The following SLC26A8 variants were observed in gnomAD, a reference collection of about 807,000 sequenced individuals.
SLC26A8 encodes the protein testis anion transporter 1.
A neutral mutation model predicts 105.0 loss-of-function variants in SLC26A8; 70 were observed. The observed-to-expected ratio is 0.67, with a 90% CI of 0.55 to 0.81. The LOEUF is 0.81. SLC26A8 is among the 40% of genes least tolerant of loss of function. The pLI is 0.00. For synonymous variants in SLC26A8, 415 were observed against 438.3 expected (o/e 0.95, Z 0.66); for missense variants, 998 against 1,181.8 (o/e 0.84, Z 2.28).
chr6:36,000,280 ATTCCTAGCTTCTC>A (rs1761483679), intron 3 of SLC26A8, among the ~76,000 whole-genome samples, 172 bp from the exon 4 acceptor site: 1 of 152,186 alleles, frequency 6.6e-6, no homozygotes, highest in Non-Finnish European at 1.5e-5. Context: ...ATCTTCTTTG[ATTCCTAGCTTCTC>A]TTCCTATTTT....
rs1365169624 is a variant in SLC26A8 at position 35,943,636 on chromosome 6, G to A, written c.*264C>T. The A allele has an allele frequency of 2.3e-6, 1 of 440,690 alleles. No individual in the cohort carries two copies. The highest frequency in any genetic ancestry group is 4.1e-6 in the Non-Finnish European group (1 of 244,934). The allele number at this position is 440,690 out of a possible 1,614,324, so 27.3% of individuals were successfully genotyped here. On this transcript the variant is annotated 3_prime_UTR_variant, in exon 20 of 20. Coordinates refer to ENST00000490799, the MANE Select transcript of SLC26A8 (RefSeq NM_052961.4). The stretch of plus-strand genomic sequence containing the variant: ...CAGAGATGTGGGGTGTGTGAAGAAG[G>A]AAATTCATGACTAGAATATATGCTG...
Position 35,943,618 on chromosome 6 carries a change from G to A in SLC26A8, c.*282C>T. On this transcript the variant is annotated 3_prime_UTR_variant, in exon 20 of 20. Transcript: ENST00000490799. Reference sequence around the variant, plus strand: ...ATGGTCTGGCACAAAGCCCAGAGATGTGGGGTGTGTGAAGAAGGAAATTCA... The same window carrying A: ...ATGGTCTGGCACAAAGCCCAGAGATATGGGGTGTGTGAAGAAGGAAATTCA... The A allele has an allele frequency of 2.5e-6, 1 of 394,698 alleles. No individual in the cohort carries two copies. The highest frequency in any genetic ancestry group is 4.7e-6 in the Non-Finnish European group (1 of 213,962). 24.4% of individuals were successfully genotyped at this position (394,698 alleles called of 1,614,324 possible).
chr6:35,986,780 G>T (rs1381077001), intron 7 of SLC26A8, among the ~76,000 whole-genome samples: 1 of 151,714 alleles, frequency 6.6e-6, no homozygotes, highest in East Asian at 1.9e-4. Context: ...GTATTCCATT[G>T]TATATGTATA....
rs34715373 is a variant in SLC26A8 at position 35,986,024 on chromosome 6, CT to C, written c.943-3822del. Reference sequence around the variant, plus strand: ...TAGATGCATTACTTCACATATACATCTTTTTTTTTTTTTTTTTTTTTTTTTT... The same window carrying C: ...TAGATGCATTACTTCACATATACATCTTTTTTTTTTTTTTTTTTTTTTTTT... On this transcript the variant is annotated intron_variant, in intron 7 of 19. Transcript: ENST00000490799. 8.7e-3 allele frequency among the ~76,000 whole-genome samples: 624 copies of C among 71,342 alleles called. 2 individuals are homozygous for C. The highest frequency in any genetic ancestry group is 0.03 in the African/African-American group (555 of 18,436). The allele number at this position is 71,342 out of a possible 152,430, so 46.8% of individuals were successfully genotyped here.
chr6:35,979,491 A>G (rs932883025), intron 8 of SLC26A8, among the ~76,000 whole-genome samples: 1 of 152,098 alleles, frequency 6.6e-6, no homozygotes, highest in Non-Finnish European at 1.5e-5. Flanking sequence ...AAATAATAAA[A>G]TAATTTATAA....
In SLC26A8 at chr6:35,997,903, C is replaced by T; in HGVS notation, c.462G>A (p.Val154=). ...HQMSIGSFFL[V]SALLINVLKV... The stretch of plus-strand genomic sequence containing the variant: ...TCAGAACGTTGATCAGCAGAGCACT[C>T]ACCAGGAAGAAGGAACCTGTGGAAG... The change falls in exon 5 of 20, where the codon GTG becomes GTA. Residue 154 remains valine, a synonymous_variant. Transcript: ENST00000490799. 6.2e-7 allele frequency: 1 copy of T among 1,613,838 alleles called. No individual in the cohort carries two copies. Among genetic ancestry groups the T allele is most frequent in the Non-Finnish European group, 8.5e-7 (1 of 1,179,884 alleles).
At position 35,963,735 on chromosome 6, in the gene SLC26A8, A is replaced by G. The variant is rs569156052; in HGVS notation, c.1366-1114T>C. Among the ~76,000 whole-genome samples the G allele has an allele frequency of 7.2e-5, 11 of 152,306 alleles. No homozygotes were observed. In the South Asian group the frequency reaches 1.4e-3, roughly 20 times the overall value. Reference sequence around the variant, plus strand: ...CCTTGCCTTGTCTGGTTTGCTTGACATATCTGTTACCTACCTTATCTAGAA... The same window carrying G: ...CCTTGCCTTGTCTGGTTTGCTTGACGTATCTGTTACCTACCTTATCTAGAA... On this transcript the variant is annotated intron_variant, in intron 11 of 19. Coordinates refer to ENST00000490799, the MANE Select transcript of SLC26A8 (RefSeq NM_052961.4).
chr6:35,943,833 C>G lies in SLC26A8; in HGVS notation c.*67G>C. On this transcript the variant is annotated 3_prime_UTR_variant, in exon 20 of 20. Transcript: ENST00000490799. Reference sequence around the variant, plus strand: ...TTCGTATCCAGTCTAGGTCTCTGGACAATTGACCCCTTTTTGGGTAGGAGG... The same window carrying G: ...TTCGTATCCAGTCTAGGTCTCTGGAGAATTGACCCCTTTTTGGGTAGGAGG... 6.4e-7 allele frequency: 1 copy of G among 1,569,890 alleles called. No homozygotes were observed. Among genetic ancestry groups the G allele is most frequent in the Non-Finnish European group, 8.6e-7 (1 of 1,156,582 alleles).
intron 17 of SLC26A8, among the ~76,000 whole-genome samples, 165 bp from the exon 18 acceptor site, chr6:35,951,664 C>T (rs965648452): frequency 9.9e-5 from 15 of 152,174 alleles, no homozygotes; most frequent in African/African-American, 3.4e-4. Flanking sequence ...CTGCAACCTC[C>T]GCCTCCCAGG....
chr6:35,953,046 T>C (rs1231376071), intron 17 of SLC26A8, among the ~76,000 whole-genome samples: 3 of 146,634 alleles, frequency 2.0e-5, no homozygotes, highest in Non-Finnish European at 4.5e-5. Flanking sequence ...AATGGACTGA[T>C]GGATTTTTCT....
At chr6:35,953,252 G>A (rs1271013023) in intron 17 of SLC26A8, among the ~76,000 whole-genome samples, 4 of 152,114 alleles carry the variant, frequency 2.6e-5, no homozygotes, top group African/African-American at 9.7e-5. Context: ...CATCAACATG[G>A]GCCAGGTGTG....
chr6:35,953,996 C>T (rs1343706320), intron 17 of SLC26A8, among the ~76,000 whole-genome samples: 2 of 152,086 alleles, frequency 1.3e-5, no homozygotes, highest in Non-Finnish European at 2.9e-5. Context: ...AAGAGGTGTG[C>T]AAATCTCAAA....
At chr6:36,006,121 T>C (rs917160429) in intron 3 of SLC26A8, among the ~76,000 whole-genome samples, 12 of 152,190 alleles carry the variant, frequency 7.9e-5, no homozygotes, top group African/African-American at 2.7e-4. Flanking sequence ...CATATAGCTA[T>C]GAAATCTTTT....
intron 17 of SLC26A8, 100 bp from the exon 18 acceptor site, chr6:35,951,599 T>A: frequency 7.8e-7 from 1 of 1,277,370 alleles, no homozygotes; most frequent in Non-Finnish European, 1.1e-6. Context: ...TGGTTTTTTG[T>A]GACAGAGTCT....
At chr6:36,005,815 A>G (rs1418700886) in intron 3 of SLC26A8, among the ~76,000 whole-genome samples, 1 of 152,202 alleles carries the variant, frequency 6.6e-6, no homozygotes, top group Non-Finnish European at 1.5e-5. Flanking sequence ...TCCACTGGGT[A>G]GATTTTATGT....
At chr6:35,995,431 A>T (rs1191945213) in intron 5 of SLC26A8, among the ~76,000 whole-genome samples, 2 of 152,182 alleles carry the variant, frequency 1.3e-5, no homozygotes, top group African/African-American at 4.8e-5. Context: ...CTTCGACTCA[A>T]CTAGAGGTTA....
At chr6:35,987,114 C>T (rs1044185587) in intron 7 of SLC26A8, among the ~76,000 whole-genome samples, 2 of 152,198 alleles carry the variant, frequency 1.3e-5, no homozygotes, top group Non-Finnish European at 2.9e-5. Flanking sequence ...TGCACCTCTA[C>T]AAGAACTAGG....
chr6:35,968,264 C>T (rs890153707), intron 11 of SLC26A8, among the ~76,000 whole-genome samples: 1 of 152,072 alleles, frequency 6.6e-6, no homozygotes, highest in African/African-American at 2.4e-5. Flanking sequence ...CCTGCCTCAG[C>T]CCCCAGAGTA....
rs184438766 is a variant in SLC26A8 at position 36,006,526 on chromosome 6, A to G, written c.328+5707T>C. ...AATGCCATTCTTATTTTGATACAAG[A>G]TTATACTGATGACTTTTTAATTTAG... On this transcript the variant is annotated intron_variant, in intron 3 of 19. Transcript: ENST00000490799. Among the ~76,000 whole-genome samples the G allele has an allele frequency of 1.0e-3, 153 of 152,310 alleles. 1 individual carries two copies. Among genetic ancestry groups the G allele is most frequent in the Non-Finnish European group, 1.9e-3 (126 of 68,028 alleles).
Sources: allele counts gnomAD v4.1 joint callset (sites outside exome capture counted in the v4.1 genomes callset), GRCh38; gene constraint gnomAD v4.1.1; transcripts MANE v1.5; gene names NCBI Gene and HGNC (gene_info 2026-07-23, HGNC 2026-07-21).